Variants in ZPBP observed in about 807,000 individuals in gnomAD.
The protein encoded by ZPBP is zona pellucida binding protein, also known as zona pellucida-binding protein 1.
Under a neutral mutation model 44.8 loss-of-function variants are expected in ZPBP, and 26 were observed. That is an observed-to-expected ratio of 0.58 (90% CI 0.43 to 0.81). The LOEUF (loss-of-function observed/expected upper bound fraction) is 0.81. Among genes scored for constraint, ZPBP ranks in the 30% least tolerant of loss-of-function variants. The pLI is 0.00. For missense variants in ZPBP, 409 were observed against 434.0 expected, an observed-to-expected ratio of 0.94 and a Z score of 0.51; for synonymous variants, 174 against 153.2, an observed-to-expected ratio of 1.14 and a Z score of -1.00.
intron 2 of ZPBP, among the ~76,000 whole-genome samples, chr7:49,879,877 G>C (rs936979378): frequency 3.3e-5 from 5 of 151,934 alleles, no homozygotes; most frequent in Admixed American, 6.6e-5. Flanking sequence ...AAAGTTATTT[G>C]GTTTTCTGGG....
chr7:50,069,060 C>T (rs960744689), intron 3 of ZPBP, among the ~76,000 whole-genome samples: 9 of 152,152 alleles, frequency 5.9e-5, no homozygotes, highest in Admixed American at 1.3e-4. Context: ...AACTTGGGCA[C>T]GGCCAGATCT....
intron 2 of ZPBP, among the ~76,000 whole-genome samples, chr7:49,888,985 G>C (rs1792018399): frequency 6.6e-6 from 1 of 152,156 alleles, no homozygotes; most frequent in Admixed American, 6.5e-5. Context: ...ATGGAGCTGG[G>C]GATGACCCAT....
intron 1 of ZPBP, among the ~76,000 whole-genome samples, chr7:49,901,567 TAGAG>T (rs1277495594): frequency 2.6e-5 from 4 of 151,636 alleles, no homozygotes; most frequent in East Asian, 1.9e-4. Flanking sequence ...AATATATAAA[TAGAG>T]AGATGTTTCA....
downstream of ZPBP, among the ~76,000 whole-genome samples, chr7:49,847,903 G>A (rs1236702417): frequency 6.6e-6 from 1 of 152,168 alleles, no homozygotes; most frequent in Non-Finnish European, 1.5e-5. Context: ...GCACTCACAG[G>A]TGAGTGGTTT....
intron 2 of ZPBP, among the ~76,000 whole-genome samples, chr7:50,082,370 A>C (rs2128852635): frequency 6.6e-6 from 1 of 152,076 alleles, no homozygotes; most frequent in African/African-American, 2.4e-5. Flanking sequence ...AGTGATTAAA[A>C]AGTTAGCAAA....
At chr7:49,974,351 A>G (rs1796414058) in intron 7 of ZPBP, among the ~76,000 whole-genome samples, 1 of 152,162 alleles carries the variant, frequency 6.6e-6, no homozygotes, top group Admixed American at 6.5e-5. Flanking sequence ...ATGGTTAATG[A>G]GAAAGTTTGG....
At chr7:49,899,590 T>C (rs558356462) in intron 2 of ZPBP, among the ~76,000 whole-genome samples, 2 of 152,018 alleles carry the variant, frequency 1.3e-5, no homozygotes, top group Non-Finnish European at 2.9e-5. Context: ...AGGTATTATA[T>C]AATGATAAAT....
intron 4 of ZPBP, among the ~76,000 whole-genome samples, chr7:50,036,802 A>G (rs1252825983): frequency 6.6e-6 from 1 of 152,054 alleles, no homozygotes; most frequent in Non-Finnish European, 1.5e-5. Flanking sequence ...TAACTGTACA[A>G]CTCAAGAGTC....
At position 49,959,282 on chromosome 7, in the gene ZPBP, C is replaced by T. The variant is rs116200227; in HGVS notation, c.962-21660G>A. The stretch of plus-strand genomic sequence containing the variant: ...AAGCAAGCCAAAAAAAAAAAAGGCA[C>T]AAACATCAGAAATAAAGAATTAAAT... On this transcript the variant is annotated intron_variant, in intron 7 of 7. Transcript: ENST00000046087. 7.9e-3 allele frequency among the ~76,000 whole-genome samples: 1,127 copies of T among 143,232 alleles called. 22 individuals are homozygous for T. Among genetic ancestry groups the T allele is most frequent in the African/African-American group, 0.027 (1,067 of 39,272 alleles). 94.0% of individuals were successfully genotyped at this position (143,232 alleles called of 152,430 possible).
chr7:49,845,655 ACC>A (rs1250093710), downstream of ZPBP, among the ~76,000 whole-genome samples: 494 of 152,330 alleles, frequency 3.2e-3, 6 homozygotes, highest in African/African-American at 0.011. Context: ...TAAAATACCA[ACC>A]TTCGGTGATA....
intron 2 of ZPBP, among the ~76,000 whole-genome samples, chr7:49,888,728 T>C (rs1792004370): frequency 1.3e-5 from 2 of 152,082 alleles, no homozygotes; most frequent in African/African-American, 4.8e-5. Context: ...CTGGCCAACA[T>C]GGTAAAACCC....
chr7:49,986,600 C>T (rs1259461505), intron 6 of ZPBP, among the ~76,000 whole-genome samples: 2 of 152,182 alleles, frequency 1.3e-5, no homozygotes, highest in African/African-American at 4.8e-5. Flanking sequence ...AGAGGTTCTT[C>T]CCTCAGTTAA....
chr7:50,006,693 T>C (rs1437257737), intron 6 of ZPBP, among the ~76,000 whole-genome samples: 1 of 151,916 alleles, frequency 6.6e-6, no homozygotes. Flanking sequence ...AGGAAAATAA[T>C]TTAAAAGATT....
intron 6 of ZPBP, among the ~76,000 whole-genome samples, chr7:50,003,875 A>C (rs182929432): frequency 5.3e-5 from 8 of 152,296 alleles, no homozygotes; most frequent in Middle Eastern, 3.4e-3. Flanking sequence ...ACCAACCCTA[A>C]AAAACACACA....
intron 2 of ZPBP, among the ~76,000 whole-genome samples, chr7:49,887,473 C>T (rs190622169): frequency 2.6e-4 from 39 of 150,698 alleles, no homozygotes; most frequent in African/African-American, 9.7e-4. Flanking sequence ...GCTTGGATTA[C>T]AATGTTTTTG....
At chr7:49,978,422 A>G in intron 7 of ZPBP, among the ~76,000 whole-genome samples, 1 of 152,056 alleles carries the variant, frequency 6.6e-6, no homozygotes, top group Non-Finnish European at 1.5e-5. Flanking sequence ...AAGTTAGGAA[A>G]AAGAAAAATA....
intron 2 of ZPBP, among the ~76,000 whole-genome samples, chr7:50,085,430 C>G (rs1364345342): frequency 6.6e-6 from 1 of 152,040 alleles, no homozygotes; most frequent in Non-Finnish European, 1.5e-5. Flanking sequence ...TTTAACGTGC[C>G]TGATTCCCAT....
intron 2 of ZPBP, among the ~76,000 whole-genome samples, chr7:49,874,597 G>C (rs1791320152): frequency 6.6e-6 from 1 of 152,144 alleles, no homozygotes; most frequent in Non-Finnish European, 1.5e-5. Flanking sequence ...TGGAGAGAAA[G>C]AGAGAAATAT....
At chr7:49,988,771 T>C (rs1439987671) in intron 6 of ZPBP, among the ~76,000 whole-genome samples, 1 of 152,160 alleles carries the variant, frequency 6.6e-6, no homozygotes, top group East Asian at 1.9e-4. Flanking sequence ...AGGAAAAACA[T>C]ACAGGACTCA....
Sources: allele counts gnomAD v4.1 joint callset (sites outside exome capture counted in the v4.1 genomes callset), GRCh38; gene constraint gnomAD v4.1.1; transcripts MANE v1.5; gene names NCBI Gene and HGNC (gene_info 2026-07-23, HGNC 2026-07-21).